Variants in DAB1 observed in about 807,000 individuals in gnomAD.
DAB1 encodes disabled homolog 1.
In DAB1, 15 loss-of-function variants were observed where a neutral mutation model predicts 64.6. The ratio of observed to expected loss-of-function variants is 0.23; its 90% CI spans 0.16 to 0.36. DAB1 has a LOEUF of 0.36. Among genes scored for constraint, DAB1 ranks in the 10% least tolerant of loss-of-function variants. DAB1 has a pLI of 1.00. For missense variants in DAB1, 596 were observed against 706.7 expected, an observed-to-expected ratio of 0.84 and a Z score of 1.78; for synonymous variants, 235 against 251.9, an observed-to-expected ratio of 0.93 and a Z score of 0.64.
chr1:57,406,707 T>G (rs890648291), intron 1 of DAB1, among the ~76,000 whole-genome samples: 2 of 152,204 alleles, frequency 1.3e-5, no homozygotes, highest in African/African-American at 2.4e-5. Flanking sequence ...AAGATGCCAG[T>G]GTCCAAACAC....
chr1:57,697,038 T>C (rs905661676), intron 6 of DAB1, among the ~76,000 whole-genome samples: 6 of 152,184 alleles, frequency 3.9e-5, no homozygotes, highest in South Asian at 2.1e-4. Context: ...TGCACTCTCA[T>C]AGGCAGAGCT....
At chr1:57,157,432 C>T (rs1394453814) in intron 2 of DAB1, among the ~76,000 whole-genome samples, 1 of 152,140 alleles carries the variant, frequency 6.6e-6, no homozygotes, top group African/African-American at 2.4e-5. Context: ...ACATTTATTT[C>T]TCATGGTTCT....
intron 2 of DAB1, among the ~76,000 whole-genome samples, chr1:57,163,642 G>C (rs935069317): frequency 6.6e-5 from 10 of 152,184 alleles, no homozygotes; most frequent in Admixed American, 3.9e-4. Flanking sequence ...CTGTGGAAAG[G>C]GGGAGAAGTA....
chr1:58,420,025 T>C (rs1644757088), intron 3 of DAB1, among the ~76,000 whole-genome samples: 1 of 152,224 alleles, frequency 6.6e-6, no homozygotes, highest in South Asian at 2.1e-4. Context: ...ATTTCCTATG[T>C]AATCATTTCC....
At chr1:57,376,124 A>C (rs1237762257) in intron 1 of DAB1, among the ~76,000 whole-genome samples, 1 of 152,178 alleles carries the variant, frequency 6.6e-6, no homozygotes, top group Non-Finnish European at 1.5e-5. Flanking sequence ...TGTCTTCCAC[A>C]CACCCAAGCA....
chr1:58,001,010 A>G (rs1646499217), intron 5 of DAB1, among the ~76,000 whole-genome samples: 1 of 151,526 alleles, frequency 6.6e-6, no homozygotes, highest in Non-Finnish European at 1.5e-5. Context: ...CTTCTCTCTT[A>G]ACTTCTTAAT....
intron 4 of DAB1, among the ~76,000 whole-genome samples, chr1:57,084,162 A>G (rs941289472): frequency 3.9e-5 from 6 of 152,230 alleles, no homozygotes; most frequent in African/African-American, 9.6e-5. Flanking sequence ...GTATTTATTT[A>G]AGATGAGATC....
intron 3 of DAB1, among the ~76,000 whole-genome samples, chr1:57,144,384 T>C (rs1171023353): frequency 6.6e-6 from 1 of 152,158 alleles, no homozygotes; most frequent in Non-Finnish European, 1.5e-5. Flanking sequence ...AAATAATTTA[T>C]TTTGTATATT....
At chr1:57,319,517 T>C (rs985451733) in intron 1 of DAB1, among the ~76,000 whole-genome samples, 7 of 152,154 alleles carry the variant, frequency 4.6e-5, no homozygotes, top group Non-Finnish European at 7.3e-5. Context: ...TCTGGATGTC[T>C]GTTTCTTAAC....
chr1:57,670,336 G>A (rs1270820109), intron 6 of DAB1, among the ~76,000 whole-genome samples: 1 of 152,026 alleles, frequency 6.6e-6, no homozygotes. Context: ...AAGCAATAAG[G>A]CACAGAAGCC....
intron 5 of DAB1, among the ~76,000 whole-genome samples, chr1:57,906,976 A>ATAGG (rs1644562127): frequency 6.7e-6 from 1 of 149,508 alleles, no homozygotes; most frequent in Non-Finnish European, 1.5e-5. Flanking sequence ...AGATAGATAG[A>ATAGG]TAGATAGATA....
intron 7 of DAB1, among the ~76,000 whole-genome samples, chr1:57,440,051 C>T (rs964363441): frequency 9.2e-5 from 14 of 152,090 alleles, no homozygotes; most frequent in Admixed American, 7.2e-4. Flanking sequence ...ACTTGTTTGC[C>T]TCCATTACTT....
At chr1:57,005,661 G>T (rs112480065) in intron 14 of DAB1, among the ~76,000 whole-genome samples, 3 of 152,194 alleles carry the variant, frequency 2.0e-5, no homozygotes, top group African/African-American at 7.2e-5. Context: ...ATATCACACA[G>T]CTAAATTGAT....
intron 6 of DAB1, among the ~76,000 whole-genome samples, chr1:57,696,361 A>AC (rs1646845418): frequency 6.6e-6 from 1 of 151,802 alleles, no homozygotes; most frequent in Admixed American, 6.6e-5. Context: ...GACTGGGCAG[A>AC]GGGGAAGTTG....
intron 4 of DAB1, among the ~76,000 whole-genome samples, chr1:57,072,833 G>A (rs1031148632): frequency 6.6e-6 from 1 of 152,172 alleles, no homozygotes; most frequent in African/African-American, 2.4e-5. Context: ...ACTCCAGGGA[G>A]TATTATTAAC....
intron 7 of DAB1, among the ~76,000 whole-genome samples, chr1:57,554,095 C>T (rs1469171088): frequency 6.6e-6 from 1 of 152,040 alleles, no homozygotes; most frequent in Non-Finnish European, 1.5e-5. Flanking sequence ...AAACATGAAG[C>T]GAGGAGATAT....
At chr1:57,030,802 T>C (rs1157651915) in intron 9 of DAB1, among the ~76,000 whole-genome samples, 4 of 152,242 alleles carry the variant, frequency 2.6e-5, no homozygotes, top group Admixed American at 2.0e-4. Flanking sequence ...GCTATGCTAG[T>C]CTTTTAGACC....
intron 2 of DAB1, among the ~76,000 whole-genome samples, chr1:57,258,369 T>C (rs1006801100): frequency 6.6e-6 from 1 of 152,128 alleles, no homozygotes; most frequent in Non-Finnish European, 1.5e-5. Flanking sequence ...TTTTTTTGCC[T>C]GATCAATCAT....
At chr1:57,374,885 T>C (rs1347014989) in intron 1 of DAB1, among the ~76,000 whole-genome samples, 1 of 152,130 alleles carries the variant, frequency 6.6e-6, no homozygotes, top group Non-Finnish European at 1.5e-5. Context: ...AGCCCACCCT[T>C]TTGAGCAGGA....
Sources: gnomAD v4.1 joint callset for allele counts (sites outside exome capture counted in the v4.1 genomes callset) on GRCh38, gnomAD v4.1.1 for gene constraint, MANE v1.5 for transcripts, NCBI Gene and HGNC (gene_info 2026-07-23, HGNC 2026-07-21) for gene names.